GSTCD: variants seen among roughly 807,000 people sequenced by gnomAD.
GSTCD encodes glutathione S-transferase C-terminal domain-containing protein.
A neutral mutation model predicts 68.3 loss-of-function variants in GSTCD; 44 were observed. The ratio of observed to expected loss-of-function variants is 0.64; its 90% CI spans 0.51 to 0.83. GSTCD has a LOEUF of 0.83. GSTCD is among the 40% of genes least tolerant of loss of function. The probability of loss-of-function intolerance (pLI) is 0.00; values close to 1 mark genes in which losing one functional copy is unlikely to be tolerated. For synonymous variants in GSTCD, 273 were observed against 255.2 expected, an observed-to-expected ratio of 1.07 and a Z score of -0.67; for missense variants, 739 against 735.9, an observed-to-expected ratio of 1.00 and a Z score of -0.05.
intron 5 of GSTCD, among the ~76,000 whole-genome samples, chr4:105,800,062 T>A (rs1430396961): frequency 1.3e-5 from 2 of 152,044 alleles, no homozygotes; most frequent in Non-Finnish European, 2.9e-5. Flanking sequence ...TACATAGAAA[T>A]TTACAAATAC....
rs369912444 is a variant in GSTCD at position 105,825,723 on chromosome 4, A to G, written c.1453A>G (p.Ser485Gly). ...ELSLIRAKKRSDELGLSNIWF... is the reference protein window; with the variant it reads ...ELSLIRAKKRGDELGLSNIWF... The stretch of plus-strand genomic sequence containing the variant: ...ATCATTAATTCGTGCTAAGAAGAGA[A>G]GTGATGAACTGGGTTTAAGCAACAT... Residue 485 changes from serine to glycine, a missense_variant, in exon 8 of 12, where the codon AGT becomes GGT. Coordinates refer to ENST00000515279, the MANE Select transcript of GSTCD (RefSeq NM_001370181.1). 3.1e-5 allele frequency: 48 copies of G among 1,528,204 alleles called. No individual in the cohort carries two copies. Among genetic ancestry groups the G allele is most frequent in the Non-Finnish European group, 4.3e-5 (47 of 1,102,990 alleles). The allele number at this position is 1,528,204 out of a possible 1,614,324, so 94.7% of individuals were successfully genotyped here. A position where few individuals can be genotyped will look rare whatever the true frequency, so the allele number is the denominator to read the frequency against.
intron 10 of GSTCD, among the ~76,000 whole-genome samples, chr4:105,840,945 C>A (rs908238785): frequency 6.6e-6 from 1 of 152,148 alleles, no homozygotes; most frequent in Non-Finnish European, 1.5e-5. Flanking sequence ...CTAGCTACCA[C>A]CCTGCTGGAT....
At chr4:105,792,060 A>G (rs1183429426) in intron 5 of GSTCD, among the ~76,000 whole-genome samples, 2 of 152,132 alleles carry the variant, frequency 1.3e-5, no homozygotes, top group African/African-American at 2.4e-5. Flanking sequence ...TGTGGACTTC[A>G]TAACTTCTCA....
At chr4:105,789,967 C>T (rs1251535075) in intron 5 of GSTCD, among the ~76,000 whole-genome samples, 3 of 151,730 alleles carry the variant, frequency 2.0e-5, no homozygotes, top group South Asian at 4.2e-4. Context: ...ATAACCCTTA[C>T]TTTTTGAGAG....
At chr4:105,710,528 C>T in intron 1 of GSTCD, among the ~76,000 whole-genome samples, 1 of 151,892 alleles carries the variant, frequency 6.6e-6, no homozygotes. Context: ...CGCGCCCGGC[C>T]TGTTTTTGTT....
Position 105,822,972 on chromosome 4 carries a change from G to A in GSTCD, c.1259G>A (p.Arg420Gln), listed in dbSNP as rs753620399. The change falls in exon 6 of 12, where the codon CGA (arginine) becomes CAA (glutamine). Residue 420 changes from arginine to glutamine, a missense_variant. Physicochemically the swap from Arg to Gln is conservative, Grantham distance 43. Coordinates refer to ENST00000515279, the MANE Select transcript of GSTCD (RefSeq NM_001370181.1). ...TTCTCAGGTAAAATGTCCAGTGATC[G>A]AGCTTTGAGGAAGCAGCAACAGTTG... is the stretch of plus-strand genomic sequence containing the variant. ...SPKEGKMSSD[R>Q]ALRKQQQLNN... The A allele has an allele frequency of 8.7e-6, 14 of 1,612,464 alleles. No individual in the cohort carries two copies. Among genetic ancestry groups the A allele is most frequent in the Middle Eastern group, 1.6e-4 (1 of 6,078 alleles).
In GSTCD at chr4:105,723,787, T is replaced by A. The variant is rs574239211; in HGVS notation, c.895-2792T>A. On this transcript the variant is annotated intron_variant, in intron 3 of 11. Transcript: ENST00000515279. ...CTCTGATATTTTCTATTTCATTTTT[T>A]AAAAACCTACTATGTTGATTTCACA... Among the ~76,000 whole-genome samples the A allele has an allele frequency of 1.3e-4, 20 of 151,930 alleles. No individual in the cohort carries two copies. The South Asian group carries it at 3.3e-3, about 25-fold the overall frequency.
intron 11 of GSTCD, among the ~76,000 whole-genome samples, chr4:105,842,950 T>C (rs1724416039): frequency 6.6e-6 from 1 of 152,136 alleles, no homozygotes; most frequent in African/African-American, 2.4e-5. Context: ...CATATCAGGG[T>C]TTAAGATAAG....
At chr4:105,788,772 TTAAGA>T (rs1448053140) in intron 5 of GSTCD, among the ~76,000 whole-genome samples, 1 of 152,050 alleles carries the variant, frequency 6.6e-6, no homozygotes, top group Non-Finnish European at 1.5e-5. Context: ...GTAGTATAAA[TTAAGA>T]TATTTTGTAT....
intron 1 of GSTCD, among the ~76,000 whole-genome samples, chr4:105,716,339 G>A (rs1732681235): frequency 1.3e-5 from 2 of 152,098 alleles, no homozygotes; most frequent in Admixed American, 1.3e-4. Context: ...AATACCTGAA[G>A]GAAGTGAGGA....
intron 5 of GSTCD, among the ~76,000 whole-genome samples, chr4:105,752,718 G>A (rs1019933202): frequency 2.0e-5 from 3 of 152,002 alleles, no homozygotes; most frequent in African/African-American, 7.2e-5. Flanking sequence ...GTTTATTTTA[G>A]AAATATTATG....
chr4:105,735,124 G>T (rs1212547104), intron 5 of GSTCD, among the ~76,000 whole-genome samples: 1 of 152,172 alleles, frequency 6.6e-6, no homozygotes. Flanking sequence ...CTACTCGGGG[G>T]GTCAGGGACC....
chr4:105,747,396 G>A (rs1733842495), intron 5 of GSTCD, among the ~76,000 whole-genome samples: 2 of 152,156 alleles, frequency 1.3e-5, no homozygotes, highest in South Asian at 4.1e-4. Flanking sequence ...ACAGGTCTGG[G>A]GTAGAGCCCT....
At chr4:105,796,907 G>C (rs190175552) in intron 5 of GSTCD, among the ~76,000 whole-genome samples, 1 of 152,284 alleles carries the variant, frequency 6.6e-6, no homozygotes, top group African/African-American at 2.4e-5. Flanking sequence ...TCTATGTATA[G>C]AGGATCGGCT....
chr4:105,711,328 G>A (rs1732529706), intron 1 of GSTCD, among the ~76,000 whole-genome samples: 1 of 152,194 alleles, frequency 6.6e-6, no homozygotes, highest in Admixed American at 6.5e-5. Context: ...AGGTTGATAT[G>A]CACATGGATT....
In GSTCD at chr4:105,845,498, G is replaced by T; in HGVS notation, c.1823G>T (p.Gly608Val). ...CGAGCAAGAGCTGCAGAAGAATGTG[G>T]ATACTCCGTTCAAGTGATATCCATG... The part of the protein sequence containing the change: ...LDRARAAEEC[G>V]YSVQVISMEP... Residue 608 changes from glycine (G) to valine (V), a missense_variant, in exon 12 of 12, where the codon GGA becomes GTA. Physicochemically the swap from Gly to Val is moderately radical, Grantham distance 109. Transcript: ENST00000515279. 1 of 1,614,142 alleles carries T rather than the reference G, an allele frequency of 6.2e-7. No homozygotes were observed.
At chr4:105,782,842 C>A (rs1735332081) in intron 5 of GSTCD, among the ~76,000 whole-genome samples, 2 of 152,078 alleles carry the variant, frequency 1.3e-5, no homozygotes, top group South Asian at 4.1e-4. Flanking sequence ...TGTCTTAATT[C>A]ATATGTAGAT....
At chr4:105,826,839 A>G (rs1723641916) in intron 8 of GSTCD, among the ~76,000 whole-genome samples, 1 of 152,166 alleles carries the variant, frequency 6.6e-6, no homozygotes, top group Non-Finnish European at 1.5e-5. Context: ...GTTCATATAA[A>G]CATGTGGTTG....
At chr4:105,711,139 A>G (rs1191029456) in intron 1 of GSTCD, 2 of 152,204 alleles carry the variant, frequency 1.3e-5, no homozygotes, top group Non-Finnish European at 2.9e-5. Context: ...TACAATTTTC[A>G]GCCAAATACT....
Sources: gnomAD v4.1 joint callset for allele counts (sites outside exome capture counted in the v4.1 genomes callset) on GRCh38, gnomAD v4.1.1 for gene constraint, MANE v1.5 for transcripts, NCBI Gene and HGNC (gene_info 2026-07-23, HGNC 2026-07-21) for gene names.